The following LCMT1 variants were observed in gnomAD, a reference collection of about 807,000 sequenced individuals.
LCMT1 encodes the protein leucine carboxyl methyltransferase 1, also known as [Phosphatase 2A protein]-leucine-carboxy methyltransferase 1.
LCMT1 carries 32 observed loss-of-function variants against 47.7 expected under a neutral mutation model. That is an observed-to-expected ratio of 0.67 (90% CI 0.51 to 0.90). LCMT1 has a LOEUF of 0.90. Ranked by LOEUF, LCMT1 falls within the 40% of genes least tolerant of loss-of-function variation. The probability of loss-of-function intolerance (pLI) is 0.00; values close to 1 mark genes in which losing one functional copy is unlikely to be tolerated. For missense variants in LCMT1, 375 were observed against 415.2 expected (o/e 0.90, Z 0.84); for synonymous variants, 152 against 149.7 (o/e 1.02, Z -0.11).
At chr16:25,115,878 A>C (rs1221896493) in intron 1 of LCMT1, among the ~76,000 whole-genome samples, 1 of 152,182 alleles carries the variant, frequency 6.6e-6, no homozygotes, top group Admixed American at 6.5e-5. Context: ...GGGTTTCACC[A>C]TGTTGGTCAG....
At chr16:25,139,940 T>TA in intron 3 of LCMT1, 1 of 513,052 alleles carries the variant, frequency 1.9e-6, no homozygotes, top group Non-Finnish European at 3.5e-6. Context: ...TCCTGGACCT[T>TA]ACCTTCTTAC....
intron 2 of LCMT1, chr16:25,131,996 C>A: frequency 4.0e-6 from 1 of 249,712 alleles, no homozygotes; most frequent in Non-Finnish European, 8.3e-6. Context: ...TTCATCTGCT[C>A]AGTTTCCTGA....
intron 4 of LCMT1, chr16:25,144,901 T>C (rs1960804910): frequency 6.6e-6 from 1 of 152,154 alleles, no homozygotes. Flanking sequence ...AGGTAAGTGG[T>C]TTTTCTCAGG....
At chr16:25,116,257 T>C (rs1321157738) in intron 1 of LCMT1, among the ~76,000 whole-genome samples, 1 of 152,206 alleles carries the variant, frequency 6.6e-6, no homozygotes, top group Non-Finnish European at 1.5e-5. Context: ...GCTCTGTCTT[T>C]TCTAGAAGGA....
At chr16:25,125,167 T>A (rs117855518) in intron 1 of LCMT1, among the ~76,000 whole-genome samples, 1,539 of 152,348 alleles carry the variant, frequency 0.01, 13 homozygotes, top group Middle Eastern at 0.02. Flanking sequence ...CAGAACTAGA[T>A]GCACAGTGTC....
At chr16:25,140,906 C>G (rs918119641) in intron 4 of LCMT1, 3 of 152,208 alleles carry the variant, frequency 2.0e-5, no homozygotes, top group Admixed American at 6.5e-5. Flanking sequence ...CAACCCCATT[C>G]CATTTCTGTT....
At chr16:25,120,611 G>C (rs1317118164) in intron 1 of LCMT1, among the ~76,000 whole-genome samples, 1 of 151,878 alleles carries the variant, frequency 6.6e-6, no homozygotes, top group East Asian at 1.9e-4. Context: ...TTGTATTTTA[G>C]TAGAGACGGG....
chr16:25,138,311 G>T (rs972101001), intron 3 of LCMT1, among the ~76,000 whole-genome samples: 3 of 152,166 alleles, frequency 2.0e-5, no homozygotes, highest in African/African-American at 7.2e-5. Flanking sequence ...ACCAGAGGGG[G>T]TGCTGGGACA....
In LCMT1 at chr16:25,161,162, C is replaced by T. The variant is rs531215477; in HGVS notation, c.527C>T (p.Ser176Phe). 6.2e-7 allele frequency: 1 copy of T among 1,610,224 alleles called. No homozygotes were observed. The highest frequency in any genetic ancestry group is 1.1e-5 in the South Asian group (1 of 90,210). Residue 176 changes from serine to phenylalanine, a missense_variant, in exon 6 of 11, where the codon TCT becomes TTT. Physicochemically the swap from Ser to Phe is radical, Grantham distance 155 (BLOSUM62 -2). Transcript: ENST00000399069. The part of the protein sequence containing the change: ...AVIGADLRDL[S>F]ELEEKLKKCN... ...ATTGGAGCAGATCTCCGAGACCTGTCTGAACTGGAAGAGAAGCTAAAGAAA... is the reference window on the plus strand; with the variant it reads ...ATTGGAGCAGATCTCCGAGACCTGTTTGAACTGGAAGAGAAGCTAAAGAAA...
chr16:25,149,910 CA>C lies in LCMT1; in HGVS notation c.405-1621del, dbSNP rs34229848. ...CCTGGGTGACAGAGCAAGACTGTCT[CA>C]AAAAAAAAAAAAAAAAAAAAAAGTA... On this transcript the variant is annotated intron_variant, in intron 4 of 10. Transcript: ENST00000399069. Among the ~76,000 whole-genome samples the C allele has an allele frequency of 3.0e-3, 180 of 60,194 alleles. 1 individual carries two copies. Among genetic ancestry groups the C allele is most frequent in the African/African-American group, 7.1e-3 (111 of 15,670 alleles). 39.5% of individuals were successfully genotyped at this position (60,194 alleles called of 152,430 possible).
At chr16:25,143,606 G>T (rs1273232073) in intron 4 of LCMT1, 2 of 152,132 alleles carry the variant, frequency 1.3e-5, no homozygotes, top group African/African-American at 4.8e-5. Context: ...TTGTACCCTA[G>T]ATTTGGAGTC....
chr16:25,121,749 T>C (rs778164779), intron 1 of LCMT1, among the ~76,000 whole-genome samples: 1 of 152,144 alleles, frequency 6.6e-6, no homozygotes, highest in Non-Finnish European at 1.5e-5. Flanking sequence ...GAGAACAGCA[T>C]GGGGGAAACA....
chr16:25,165,583 T>A (rs1472929400), intron 7 of LCMT1, among the ~76,000 whole-genome samples: 2 of 151,790 alleles, frequency 1.3e-5, no homozygotes, highest in Non-Finnish European at 2.9e-5. Context: ...AACAGCACAC[T>A]CTCGGCTCAC....
Position 25,111,837 on chromosome 16 carries a change from C to T in LCMT1, c.-47C>T. 1.5e-6 allele frequency: 2 copies of T among 1,361,650 alleles called. No homozygotes were observed. Among genetic ancestry groups the T allele is most frequent in the South Asian group, 1.2e-5 (1 of 82,742 alleles). 84.3% of individuals were successfully genotyped at this position (1,361,650 alleles called of 1,614,324 possible). A position where few individuals can be genotyped will look rare whatever the true frequency, so the allele number is the denominator to read the frequency against. ...GCCGTCCCCCGCCGCCCGTCGACCC[C>T]GCTTCCATGTCCCTGGCGGACACAG... On this transcript the variant is annotated 5_prime_UTR_variant, in exon 1 of 11. Coordinates refer to ENST00000399069, the MANE Select transcript of LCMT1 (RefSeq NM_016309.3).
intron 1 of LCMT1, among the ~76,000 whole-genome samples, chr16:25,124,714 C>T (rs1430015110): frequency 6.6e-6 from 1 of 152,170 alleles, no homozygotes; most frequent in Admixed American, 6.5e-5. Flanking sequence ...AAGAAGGCCC[C>T]ATTGTTCCAG....
At chr16:25,131,584 C>T (rs1032745638) in intron 2 of LCMT1, among the ~76,000 whole-genome samples, 9 of 152,202 alleles carry the variant, frequency 5.9e-5, no homozygotes, top group East Asian at 3.8e-4. Flanking sequence ...TAAATGCTAT[C>T]AGATTTTTTT....
chr16:25,124,798 G>T (rs1960112450), intron 1 of LCMT1, among the ~76,000 whole-genome samples: 2 of 152,230 alleles, frequency 1.3e-5, no homozygotes, highest in Admixed American at 6.5e-5. Flanking sequence ...GACCAGATCT[G>T]TCTTTCCCGT....
rs953295980 is a variant in LCMT1 at position 25,132,554 on chromosome 16, A to C, written c.327+31A>C. Reference sequence around the variant, plus strand: ...TTCAAATTCCCCTCCTCCCTCCCCAAGTGTTTAGATTTTTTTCGTTAGATT... The same window carrying C: ...TTCAAATTCCCCTCCTCCCTCCCCACGTGTTTAGATTTTTTTCGTTAGATT... On this transcript the variant is annotated intron_variant, in intron 3 of 10. Transcript: ENST00000399069. 4.4e-6 allele frequency: 7 copies of C among 1,604,904 alleles called. No individual in the cohort carries two copies. The East Asian group carries it at 1.3e-4, about 31-fold the overall frequency.
intron 4 of LCMT1, among the ~76,000 whole-genome samples, chr16:25,150,459 C>G (rs1445207624): frequency 1.3e-5 from 2 of 150,668 alleles, no homozygotes; most frequent in Non-Finnish European, 2.9e-5. Context: ...ATTCTCCTGC[C>G]TCAGCCTCCC....
Sources: gnomAD v4.1 joint callset for allele counts (sites outside exome capture counted in the v4.1 genomes callset) on GRCh38, gnomAD v4.1.1 for gene constraint, MANE v1.5 for transcripts, NCBI Gene and HGNC (gene_info 2026-07-23, HGNC 2026-07-21) for gene names.